MROH1: variants seen among roughly 807,000 people sequenced by gnomAD.
The protein encoded by MROH1 is maestro heat like repeat family member 1.
Under a neutral mutation model 116.5 loss-of-function variants are expected in MROH1, and 117 were observed. The ratio of observed to expected loss-of-function variants is 1.00; its 90% CI spans 0.86 to 1.17. The LOEUF (loss-of-function observed/expected upper bound fraction) is 1.17. Among genes scored for constraint, MROH1 ranks in the 50% most tolerant of loss-of-function variants. The probability of loss-of-function intolerance (pLI) is 0.00; values close to 1 mark genes in which losing one functional copy is unlikely to be tolerated. For synonymous variants in MROH1, 921 were observed against 583.9 expected, an observed-to-expected ratio of 1.58 and a Z score of -8.32; for missense variants, 1,873 against 1,338.5, an observed-to-expected ratio of 1.40 and a Z score of -6.23.
At position 144,199,333 on chromosome 8, in the gene MROH1, G is replaced by A. The variant is rs974056901; in HGVS notation, c.1027+133G>A. On this transcript the variant is annotated intron_variant, in intron 11 of 43. Coordinates refer to ENST00000326134, the MANE Select transcript of MROH1 (RefSeq NM_032450.3). ...GAGGCCCCTGTTTCCACCTCTCCTGGGCCTACCTGTGGCTCCAGAGGCCTC... is the reference window on the plus strand; with the variant it reads ...GAGGCCCCTGTTTCCACCTCTCCTGAGCCTACCTGTGGCTCCAGAGGCCTC... 2.6e-5 allele frequency: 23 copies of A among 892,968 alleles called. No homozygotes were observed. In the African/African-American group the frequency reaches 3.3e-4, roughly 13 times the overall value. The allele number at this position is 892,968 out of a possible 1,614,324, so 55.3% of individuals were successfully genotyped here.
rs558052705 is a variant in MROH1, at chr8:144,183,561, G to A, written c.562+3038G>A. On this transcript the variant is annotated intron_variant, in intron 7 of 43. Coordinates refer to ENST00000326134, the MANE Select transcript of MROH1 (RefSeq NM_032450.3). ...TAGGCCCACGGAGGTCAAGAGGGGAGGTGAGAGGTTAGAGCTCTCCAGTGG... is the reference window on the plus strand; with the variant it reads ...TAGGCCCACGGAGGTCAAGAGGGGAAGTGAGAGGTTAGAGCTCTCCAGTGG... Among the ~76,000 whole-genome samples, 9 of 151,874 alleles carry A rather than the reference G, an allele frequency of 5.9e-5. No homozygotes were observed. The South Asian group carries it at 1.9e-3, about 32-fold the overall frequency.
In MROH1 at chr8:144,260,764, G is replaced by A; in HGVS notation, c.4468G>A (p.Asp1490Asn). 1 of 779,104 alleles carries A rather than the reference G, an allele frequency of 1.3e-6. No individual in the cohort carries two copies. Among genetic ancestry groups the A allele is most frequent in the South Asian group, 1.3e-5 (1 of 74,608 alleles). 48.3% of individuals were successfully genotyped at this position (779,104 alleles called of 1,614,324 possible). The change falls in exon 40 of 44, where the codon GAC becomes AAC. Residue 1490 changes from aspartate (D) to asparagine (N), a missense_variant. By Grantham distance (23) the Asp-to-Asn change is conservative. Transcript: ENST00000326134. ...CHGDCEDVFL[D>N]QVVGGLAPLL... Reference sequence around the variant, plus strand: ...CGGAGACTGTGAGGACGTCTTCCTGGACCAGGTGGTGGGCGGGCTGGCGCC... The same window carrying A: ...CGGAGACTGTGAGGACGTCTTCCTGAACCAGGTGGTGGGCGGGCTGGCGCC...
At chr8:144,239,780 G>A (rs1286439550) in intron 18 of MROH1, 25 bp downstream of exon 18, 5 of 716,590 alleles carry the variant, frequency 7.0e-6, no homozygotes, top group African/African-American at 5.2e-5. Flanking sequence ...AGGATGGGGT[G>A]CATAGCCCTG....
At position 144,209,027 on chromosome 8, in the gene MROH1, T is replaced by TTGTGTGTGTGTGTG. The variant is rs71320812; in HGVS notation, c.1141+8520_1141+8533dup. ...GCATGAGCCAATGCACTCGGCCATT[T>TTGTGTGTGTGTGTG]TGTGTGTGTGTGTGTGTGTGTGTGT... On this transcript the variant is annotated intron_variant, in intron 12 of 43. Coordinates refer to ENST00000326134, the MANE Select transcript of MROH1 (RefSeq NM_032450.3). 6.5e-4 allele frequency among the ~76,000 whole-genome samples: 92 copies of TTGTGTGTGTGTGTG among 141,736 alleles called. 1 individual carries two copies. The highest frequency in any genetic ancestry group is 3.5e-3 in the Middle Eastern group (1 of 288). The allele number at this position is 141,736 out of a possible 152,430, so 93.0% of individuals were successfully genotyped here.
At chr8:144,168,842 T>C (rs184475310) in intron 4 of MROH1, among the ~76,000 whole-genome samples, 1 of 152,164 alleles carries the variant, frequency 6.6e-6, no homozygotes, top group East Asian at 1.9e-4. Context: ...GCTCAGAGAG[T>C]CCCCAAGGGC....
intron 3 of MROH1, among the ~76,000 whole-genome samples, chr8:144,167,664 C>T (rs972192537): frequency 6.6e-6 from 1 of 152,176 alleles, no homozygotes; most frequent in East Asian, 1.9e-4. Flanking sequence ...CAGGGAACCA[C>T]CTGGCCTTGC....
intron 4 of MROH1, among the ~76,000 whole-genome samples, chr8:144,172,610 C>T (rs1001599629): frequency 3.9e-5 from 6 of 152,058 alleles, no homozygotes; most frequent in Non-Finnish European, 5.9e-5. Context: ...CGGGTTTCAC[C>T]GTGTTGGTCA....
At chr8:144,149,246 G>A (rs1248688017) in intron 1 of MROH1, among the ~76,000 whole-genome samples, 1 of 152,198 alleles carries the variant, frequency 6.6e-6, no homozygotes, top group East Asian at 1.9e-4. Flanking sequence ...GCCGTCAGCA[G>A]GATCTTCAGT....
chr8:144,151,563 C>T (rs1375450061), intron 1 of MROH1, among the ~76,000 whole-genome samples: 2 of 152,220 alleles, frequency 1.3e-5, no homozygotes, highest in East Asian at 1.9e-4. Flanking sequence ...GAACTTTACA[C>T]TCATTCTCCA....
intron 14 of MROH1, among the ~76,000 whole-genome samples, chr8:144,223,591 C>T (rs1266102789): frequency 3.3e-5 from 5 of 152,128 alleles, no homozygotes; most frequent in Non-Finnish European, 7.3e-5. Flanking sequence ...TCCCAGGACT[C>T]AGAACGCAGA....
In MROH1 at chr8:144,241,973, T is replaced by C. The variant is rs1291083924; in HGVS notation, c.2179-396T>C. ...CAGCATCTCAGGGCTGGACCAAGCA[T>C]GCAGGGCTTCCCAGCCCTTGCTGTG... On this transcript the variant is annotated intron_variant, in intron 22 of 43. Transcript: ENST00000326134. Among the ~76,000 whole-genome samples the C allele has an allele frequency of 3.3e-5, 5 of 152,238 alleles. No homozygotes were observed. In the East Asian group the frequency reaches 7.7e-4, roughly 23 times the overall value.
chr8:144,254,674 G>T, intron 33 of MROH1, 139 bp from the exon 34 acceptor site: 1 of 607,288 alleles, frequency 1.6e-6, no homozygotes. Context: ...AGGCCAAGAG[G>T]CCATTTCCCA....
At position 144,241,046 on chromosome 8, in the gene MROH1, G is replaced by A; in HGVS notation, c.1990G>A (p.Val664Met). 3 of 776,394 alleles carry A rather than the reference G, an allele frequency of 3.9e-6. No homozygotes were observed. The highest frequency in any genetic ancestry group is 4.9e-5 in the East Asian group (2 of 41,122). 48.1% of individuals were successfully genotyped at this position (776,394 alleles called of 1,614,324 possible). ...CCTGGGTGCTGCTTCAAGTAAGGAG[G>A]TGGTGAGGAAGCACCTTCAAGAGCT... ...TTLGAASSKE[V>M]VRKHLQELLE... is the part of the protein sequence containing the mutation. Residue 664 changes from valine (V) to methionine (M), a missense_variant, in exon 21 of 44, where the codon GTG (valine) becomes ATG (methionine). Val to Met is a conservative substitution (Grantham distance 21). Coordinates refer to ENST00000326134, the MANE Select transcript of MROH1 (RefSeq NM_032450.3).
At chr8:144,203,437 G>T (rs758502892) in intron 12 of MROH1, among the ~76,000 whole-genome samples, 1 of 151,242 alleles carries the variant, frequency 6.6e-6, no homozygotes, top group African/African-American at 2.4e-5. Flanking sequence ...TGGAGGGGTT[G>T]GGAGGGGAGC....
chr8:144,195,741 G>C (rs1158845650), intron 10 of MROH1, among the ~76,000 whole-genome samples: 1 of 151,842 alleles, frequency 6.6e-6, no homozygotes, highest in Non-Finnish European at 1.5e-5. Flanking sequence ...GTCTCGCTTT[G>C]TCACACAGGC....
chr8:144,229,614 C>G (rs987526703), intron 14 of MROH1, among the ~76,000 whole-genome samples: 2 of 152,118 alleles, frequency 1.3e-5, no homozygotes, highest in African/African-American at 2.4e-5. Context: ...TGGTCTTAAA[C>G]TCCTGAGCTC....
intron 25 of MROH1, 80 bp from the exon 26 acceptor site, chr8:144,243,783 T>G: frequency 2.7e-6 from 2 of 743,800 alleles, no homozygotes; most frequent in Non-Finnish European, 2.5e-6. Flanking sequence ...GCCTGTCACT[T>G]AGGCTGGGGG....
Position 144,250,211 on chromosome 8 carries a change from G to C in MROH1, c.3274-1G>C. ...GACCACCGTGTCCCGCCCATCTACA[G>C]GTGCCCGAGATCGTGAGCGTCCTGC... On this transcript the variant is annotated splice_acceptor_variant, in intron 32 of 43. Coordinates refer to ENST00000326134, the MANE Select transcript of MROH1 (RefSeq NM_032450.3). LOFTEE classifies it high-confidence loss of function. 1 of 766,558 alleles carries C rather than the reference G, an allele frequency of 1.3e-6. No individual in the cohort carries two copies. Among genetic ancestry groups the C allele is most frequent in the Non-Finnish European group, 2.4e-6 (1 of 416,864 alleles). 47.5% of individuals were successfully genotyped at this position (766,558 alleles called of 1,614,324 possible). A position where few individuals can be genotyped will look rare whatever the true frequency, so the allele number is the denominator to read the frequency against.
At chr8:144,250,134 A>T in intron 32 of MROH1, 78 bp from the exon 33 acceptor site, 1 of 717,072 alleles carries the variant, frequency 1.4e-6, no homozygotes, top group South Asian at 1.5e-5. Flanking sequence ...TCATGGCCCC[A>T]CCCCCTTGGG....
Sources: gnomAD v4.1 joint callset for allele counts (sites outside exome capture counted in the v4.1 genomes callset) on GRCh38, gnomAD v4.1.1 for gene constraint, MANE v1.5 for transcripts, NCBI Gene and HGNC (gene_info 2026-07-23, HGNC 2026-07-21) for gene names.